Variants in RBMS1 observed in about 807,000 individuals in gnomAD.
RBMS1 encodes the protein RNA binding motif single stranded interacting protein 1, also known as RNA-binding motif, single-stranded-interacting protein 1.
Under a neutral mutation model 62.3 loss-of-function variants are expected in RBMS1, and 17 were observed. The ratio of observed to expected loss-of-function variants is 0.27; its 90% CI spans 0.19 to 0.41. RBMS1 has a LOEUF of 0.41. Ranked by LOEUF, RBMS1 falls within the 10% of genes least tolerant of loss-of-function variation. The pLI is 1.00. For missense variants in RBMS1, 334 were observed against 504.5 expected (o/e 0.66, Z 3.24); for synonymous variants, 172 against 170.0 (o/e 1.01, Z -0.09).
chr2:160,471,689 G>GTGTGTGTA (rs1439769508), intron 1 of RBMS1, among the ~76,000 whole-genome samples: 3,236 of 20,282 alleles, frequency 0.16, 285 homozygotes, highest in Admixed American at 0.24. Context: ...AAATCCTTTG[G>GTGTGTGTA]TGTATATATA....
chr2:160,319,955 CA>C (rs1422336679), intron 2 of RBMS1, among the ~76,000 whole-genome samples: 2 of 152,172 alleles, frequency 1.3e-5, no homozygotes, highest in African/African-American at 4.8e-5. Flanking sequence ...TAATGCTGCA[CA>C]AACACCTTCA....
chr2:160,383,377 C>A (rs1047054715), intron 1 of RBMS1, among the ~76,000 whole-genome samples: 7 of 150,040 alleles, frequency 4.7e-5, no homozygotes, highest in Admixed American at 2.0e-4. Flanking sequence ...TTAATTAATT[C>A]TACCTGTAAT....
At chr2:160,403,607 A>C (rs549504642) in intron 1 of RBMS1, among the ~76,000 whole-genome samples, 69 of 152,324 alleles carry the variant, frequency 4.5e-4, no homozygotes, top group African/African-American at 1.6e-3. Context: ...CCCTCATCAA[A>C]AGTTAGCAAC....
intron 2 of RBMS1, among the ~76,000 whole-genome samples, chr2:160,327,946 C>T (rs917975788): frequency 1.3e-5 from 2 of 152,168 alleles, no homozygotes; most frequent in African/African-American, 4.8e-5. Flanking sequence ...TCCTCTCCCA[C>T]CAAAACCTGT....
intron 2 of RBMS1, among the ~76,000 whole-genome samples, chr2:160,338,004 C>G (rs1691672571): frequency 6.6e-6 from 1 of 152,088 alleles, no homozygotes; most frequent in Non-Finnish European, 1.5e-5. Context: ...GAACAATGTC[C>G]CAGTTAGCAT....
At chr2:160,352,477 A>G (rs1218524238) in intron 2 of RBMS1, among the ~76,000 whole-genome samples, 2 of 152,168 alleles carry the variant, frequency 1.3e-5, no homozygotes, top group Non-Finnish European at 2.9e-5. Flanking sequence ...CTTTAAGTAC[A>G]AAAACAAATA....
chr2:160,381,620 A>G (rs1158199816), intron 1 of RBMS1, among the ~76,000 whole-genome samples: 2 of 152,202 alleles, frequency 1.3e-5, no homozygotes, highest in African/African-American at 2.4e-5. Flanking sequence ...TGAGTGGAAG[A>G]GAAAATGGGA....
intron 4 of RBMS1, among the ~76,000 whole-genome samples, chr2:160,303,760 A>G (rs1158063226): frequency 6.6e-6 from 1 of 152,172 alleles, no homozygotes; most frequent in Admixed American, 6.5e-5. Context: ...CACAACTCTC[A>G]GTTGTTTGCG....
chr2:160,487,327 G>A (rs1369397742), intron 1 of RBMS1, among the ~76,000 whole-genome samples: 2 of 152,174 alleles, frequency 1.3e-5, no homozygotes, highest in East Asian at 3.8e-4. Flanking sequence ...CTAAAACCCA[G>A]GACATCAGCT....
chr2:160,323,797 T>C (rs114643455), intron 2 of RBMS1, among the ~76,000 whole-genome samples: 3,032 of 152,184 alleles, frequency 0.02, 47 homozygotes, highest in Middle Eastern at 0.051. Flanking sequence ...CATGACTATA[T>C]AATAATATGA....
At chr2:160,423,588 A>C (rs949848461) in intron 1 of RBMS1, among the ~76,000 whole-genome samples, 2 of 152,216 alleles carry the variant, frequency 1.3e-5, no homozygotes, top group African/African-American at 4.8e-5. Context: ...ATCTTCATGG[A>C]ATTCCAAGTT....
intron 1 of RBMS1, among the ~76,000 whole-genome samples, chr2:160,387,327 T>C (rs1207908544): frequency 6.6e-6 from 1 of 151,900 alleles, no homozygotes; most frequent in East Asian, 1.9e-4. Context: ...TTTTTTGCAG[T>C]CTTCCCTTAG....
chr2:160,354,189 A>C (rs1692670735), intron 2 of RBMS1, among the ~76,000 whole-genome samples: 1 of 152,132 alleles, frequency 6.6e-6, no homozygotes. Context: ...AAAGTTCTGT[A>C]ATTCAGACTA....
intron 1 of RBMS1, among the ~76,000 whole-genome samples, chr2:160,463,340 C>A (rs1559583325): frequency 6.6e-6 from 1 of 152,162 alleles, no homozygotes; most frequent in African/African-American, 2.4e-5. Flanking sequence ...CATTTTATAA[C>A]ATGCCTCTCA....
At position 160,272,770 on chromosome 2, in the gene RBMS1, A is replaced by C. The variant is rs899689968; in HGVS notation, c.*2002T>G. 3.3e-5 allele frequency: 5 copies of C among 152,252 alleles called. No homozygotes were observed. The highest frequency in any genetic ancestry group is 2.9e-5 in the Non-Finnish European group (2 of 68,044). 9.4% of individuals were successfully genotyped at this position (152,252 alleles called of 1,614,324 possible). On this transcript the variant is annotated 3_prime_UTR_variant, in exon 14 of 14. Transcript: ENST00000348849. Reference sequence around the variant, plus strand: ...AAAAAATGAAACAAAAACAAAAACAAAAACACATTTCTCTTATGACTATGT... The same window carrying C: ...AAAAAATGAAACAAAAACAAAAACACAAACACATTTCTCTTATGACTATGT...
chr2:160,419,687 A>G (rs748294146), intron 1 of RBMS1, among the ~76,000 whole-genome samples: 6 of 152,238 alleles, frequency 3.9e-5, no homozygotes, highest in Non-Finnish European at 8.8e-5. Context: ...CAACAAAAGT[A>G]AACTGATTCT....
At position 160,344,454 on chromosome 2, in the gene RBMS1, A is replaced by G. The variant is rs113146214; in HGVS notation, c.251+22762T>C. Among the ~76,000 whole-genome samples the G allele has an allele frequency of 8.5e-4, 130 of 152,128 alleles. 1 individual carries two copies. The highest frequency in any genetic ancestry group is 3.1e-3 in the African/African-American group (127 of 41,500). On this transcript the variant is annotated intron_variant, in intron 2 of 13. Transcript: ENST00000348849. ...TGATGTTTTGCCTGCCTTGATGAAC[A>G]CTTCATTTTTCTTTTGTTTTTTGTT...
At chr2:160,442,950 A>G (rs1683472103) in intron 1 of RBMS1, among the ~76,000 whole-genome samples, 1 of 152,186 alleles carries the variant, frequency 6.6e-6, no homozygotes, top group Non-Finnish European at 1.5e-5. Context: ...TCACGCCTGT[A>G]ATCTCAGCAC....
chr2:160,275,551 C>T lies in RBMS1; in HGVS notation c.*7+79G>A. The T allele has an allele frequency of 1.9e-6, 3 of 1,540,716 alleles. No homozygotes were observed. In the South Asian group the frequency reaches 3.7e-5, roughly 19 times the overall value. On this transcript the variant is annotated intron_variant, in intron 13 of 13. Coordinates refer to ENST00000348849, the MANE Select transcript of RBMS1 (RefSeq NM_016836.4). ...ATGATAAAATCCGAGTTATCCCAAT[C>T]ACCATTCTGATTTTAAAAAAAGCCC...
Sources: gnomAD v4.1 joint callset for allele counts (sites outside exome capture counted in the v4.1 genomes callset) on GRCh38, gnomAD v4.1.1 for gene constraint, MANE v1.5 for transcripts, NCBI Gene and HGNC (gene_info 2026-07-23, HGNC 2026-07-21) for gene names.